ZNF804B: variants seen among roughly 807,000 people sequenced by gnomAD.
The protein encoded by ZNF804B is zinc finger protein 804B.
In ZNF804B, 80 loss-of-function variants were observed where a neutral mutation model predicts 101.4. That is an observed-to-expected ratio of 0.79 (90% CI 0.66 to 0.95). The LOEUF (loss-of-function observed/expected upper bound fraction) is 0.95, where lower values mean the gene tolerates loss of function less well. Among genes scored for constraint, ZNF804B ranks in the 40% least tolerant of loss-of-function variants. ZNF804B has a pLI of 0.00. For missense variants in ZNF804B, 1,673 were observed against 1,561.9 expected, an observed-to-expected ratio of 1.07 and a Z score of -1.20; for synonymous variants, 622 against 558.8, an observed-to-expected ratio of 1.11 and a Z score of -1.59.
At chr7:89,167,881 A>G (rs969229523) in intron 1 of ZNF804B, among the ~76,000 whole-genome samples, 2 of 152,176 alleles carry the variant, frequency 1.3e-5, no homozygotes, top group African/African-American at 4.8e-5. Flanking sequence ...ATGGAAACTA[A>G]AGAAACCACA....
rs762482573 is a variant in ZNF804B at position 89,333,652 on chromosome 7, T to C, written c.670T>C (p.Ser224Pro). The C allele has an allele frequency of 1.5e-5, 25 of 1,613,328 alleles. No individual in the cohort carries two copies. In the Middle Eastern group the frequency reaches 8.2e-4, roughly 53 times the overall value. ...NHRTGVSFTF[S>P]KKVHLKLESS... is the part of the protein sequence containing the mutation. ...CAGAACAGGAGTATCATTTACTTTT[T>C]CCAAAAAAGTGCACCTAAAATTAGA... Residue 224 changes from serine to proline, a missense_variant, in exon 4 of 4, where the codon TCC becomes CCC. By Grantham distance (74) the Ser-to-Pro change is moderately conservative (BLOSUM62 -1). Coordinates refer to ENST00000333190, the MANE Select transcript of ZNF804B (RefSeq NM_181646.5).
intron 2 of ZNF804B, among the ~76,000 whole-genome samples, chr7:89,301,911 TG>T: frequency 6.6e-6 from 1 of 151,958 alleles, no homozygotes; most frequent in Non-Finnish European, 1.5e-5. Flanking sequence ...TTTATAACAT[TG>T]TTTGACATAA....
intron 1 of ZNF804B, among the ~76,000 whole-genome samples, chr7:89,171,569 G>A (rs1196406382): frequency 2.0e-5 from 3 of 151,808 alleles, no homozygotes; most frequent in East Asian, 1.9e-4. Context: ...GGAGTAGCTG[G>A]GACTACAACC....
rs146638089 is a variant in ZNF804B, at chr7:89,078,947, C to T, written c.109-139208C>T. Among the ~76,000 whole-genome samples the T allele has an allele frequency of 1.4e-4, 21 of 152,096 alleles. No individual in the cohort carries two copies. In the East Asian group the frequency reaches 2.7e-3, roughly 20 times the overall value. On this transcript the variant is annotated intron_variant, in intron 1 of 3. Coordinates refer to ENST00000333190, the MANE Select transcript of ZNF804B (RefSeq NM_181646.5). ...GGAGTATGGGGCCAATTGTTTATTA[C>T]GGAAATTCTGACGTAGTAGTTGTAG...
chr7:88,807,048 G>C (rs998748347), intron 1 of ZNF804B, among the ~76,000 whole-genome samples: 1 of 152,022 alleles, frequency 6.6e-6, no homozygotes, highest in African/African-American at 2.4e-5. Flanking sequence ...TTTTCTTTGT[G>C]ACTTAAAAAA....
chr7:88,943,696 A>G (rs73705597), intron 1 of ZNF804B, among the ~76,000 whole-genome samples: 18,232 of 151,852 alleles, frequency 0.12, 1,250 homozygotes, highest in South Asian at 0.17. Flanking sequence ...GATATGCAAC[A>G]TTCTCATTAC....
At chr7:89,144,956 A>T (rs1265300502) in intron 1 of ZNF804B, among the ~76,000 whole-genome samples, 1 of 151,848 alleles carries the variant, frequency 6.6e-6, no homozygotes, top group Non-Finnish European at 1.5e-5. Context: ...AAATATAAAA[A>T]TTAGCTGGGT....
chr7:89,154,175 A>G (rs760933168), intron 1 of ZNF804B, among the ~76,000 whole-genome samples: 1 of 152,202 alleles, frequency 6.6e-6, no homozygotes, highest in African/African-American at 2.4e-5. Context: ...AGTTAAAACT[A>G]CAGTGAGATA....
intron 1 of ZNF804B, among the ~76,000 whole-genome samples, chr7:88,919,930 AT>A (rs1792695376): frequency 6.6e-6 from 1 of 152,098 alleles, no homozygotes. Flanking sequence ...GTGAAGGTCT[AT>A]CCTTCAGAGC....
In ZNF804B at chr7:89,212,278, CACACACACACAA is replaced by C. The variant is rs1024534553; in HGVS notation, c.109-5873_109-5862del. The stretch of plus-strand genomic sequence containing the variant: ...ACACACACACACACACACACACACA[CACACACACACAA>C]ACAGACTGCAGAACATCCAAACATT... On this transcript the variant is annotated intron_variant, in intron 1 of 3. Coordinates refer to ENST00000333190, the MANE Select transcript of ZNF804B (RefSeq NM_181646.5). Among the ~76,000 whole-genome samples, 18 of 130,842 alleles carry C rather than the reference CACACACACACAA, an allele frequency of 1.4e-4. 1 individual carries two copies. The highest frequency in any genetic ancestry group is 7.8e-4 in the South Asian group (3 of 3,828). 85.8% of individuals were successfully genotyped at this position (130,842 alleles called of 152,430 possible).
intron 1 of ZNF804B, among the ~76,000 whole-genome samples, chr7:88,938,654 C>T (rs185381069): frequency 6.6e-6 from 1 of 151,912 alleles, no homozygotes; most frequent in Non-Finnish European, 1.5e-5. Context: ...TATATACTGG[C>T]TTTCTAAAAA....
chr7:88,918,514 G>T (rs528952919), intron 1 of ZNF804B, among the ~76,000 whole-genome samples: 96 of 152,100 alleles, frequency 6.3e-4, no homozygotes, highest in African/African-American at 2.2e-3. Context: ...TTAAACATTT[G>T]TAGAAAATGT....
At chr7:88,782,248 A>G (rs1200536024) in intron 1 of ZNF804B, among the ~76,000 whole-genome samples, 1 of 151,886 alleles carries the variant, frequency 6.6e-6, no homozygotes, top group Non-Finnish European at 1.5e-5. Flanking sequence ...ACACTCTGAG[A>G]AAAGTCCATG....
intron 1 of ZNF804B, among the ~76,000 whole-genome samples, chr7:88,839,257 T>A (rs1252978959): frequency 1.3e-5 from 2 of 151,996 alleles, no homozygotes; most frequent in Non-Finnish European, 1.5e-5. Context: ...TTTGGCACCT[T>A]GAGAAGCTGC....
chr7:89,167,444 TATAAATAAATAA>T (rs3059362), intron 1 of ZNF804B, among the ~76,000 whole-genome samples: 40 of 112,438 alleles, frequency 3.6e-4, no homozygotes, highest in Admixed American at 1.8e-4. Context: ...GACAGTGTCT[TATAAATAAATAA>T]ATAAATAAAT....
At chr7:89,080,036 A>G (rs1271818578) in intron 1 of ZNF804B, among the ~76,000 whole-genome samples, 1 of 151,720 alleles carries the variant, frequency 6.6e-6, no homozygotes, top group Non-Finnish European at 1.5e-5. Context: ...TTTTTTTTAG[A>G]ATGACACAAC....
intron 1 of ZNF804B, among the ~76,000 whole-genome samples, chr7:88,912,055 G>A (rs1209969812): frequency 2.0e-5 from 3 of 151,866 alleles, no homozygotes; most frequent in African/African-American, 7.2e-5. Flanking sequence ...TGTTTCCAAT[G>A]AGAAAATGGT....
chr7:89,123,493 G>T (rs1790434827), intron 1 of ZNF804B, among the ~76,000 whole-genome samples: 1 of 152,130 alleles, frequency 6.6e-6, no homozygotes, highest in African/African-American at 2.4e-5. Flanking sequence ...GAAGTATAAT[G>T]AAGGGTTTGC....
intron 2 of ZNF804B, among the ~76,000 whole-genome samples, chr7:89,223,657 A>G (rs1160069546): frequency 6.9e-6 from 1 of 145,200 alleles, no homozygotes; most frequent in Non-Finnish European, 1.5e-5. Context: ...GCACTCCACT[A>G]TGGGCAACAC....
Sources: allele counts gnomAD v4.1 joint callset (sites outside exome capture counted in the v4.1 genomes callset), GRCh38; gene constraint gnomAD v4.1.1; transcripts MANE v1.5; gene names NCBI Gene and HGNC (gene_info 2026-07-23, HGNC 2026-07-21).